Variants in NCEH1 observed in about 807,000 individuals in gnomAD.
NCEH1 encodes neutral cholesterol ester hydrolase 1, also known as 2-acetyl MAGE hydrolase.
A neutral mutation model predicts 25.4 loss-of-function variants in NCEH1; 9 were observed. The observed-to-expected ratio is 0.35, with a 90% CI of 0.21 to 0.62. NCEH1 has a LOEUF of 0.62. NCEH1 is among the 20% of genes least tolerant of loss of function. The probability of loss-of-function intolerance (pLI) is 0.72; values close to 1 mark genes in which losing one functional copy is unlikely to be tolerated. For missense variants in NCEH1, 412 were observed against 501.1 expected, an observed-to-expected ratio of 0.82 and a Z score of 1.70; for synonymous variants, 200 against 199.8, an observed-to-expected ratio of 1.00 and a Z score of -0.01.
At chr3:172,641,733 T>C (rs1321803301) in intron 3 of NCEH1, among the ~76,000 whole-genome samples, 2 of 152,142 alleles carry the variant, frequency 1.3e-5, no homozygotes, top group Admixed American at 6.5e-5. Flanking sequence ...TCACATTTCA[T>C]TCCCTCACTG....
intron 1 of NCEH1, among the ~76,000 whole-genome samples, chr3:172,707,129 G>A (rs968992078): frequency 6.6e-5 from 10 of 151,882 alleles, no homozygotes; most frequent in Non-Finnish European, 1.3e-4. Context: ...CTCCAGCAGT[G>A]TACACTTAGT....
At chr3:172,676,822 T>A (rs1577077334) in intron 1 of NCEH1, among the ~76,000 whole-genome samples, 1 of 152,084 alleles carries the variant, frequency 6.6e-6, no homozygotes, top group African/African-American at 2.4e-5. Flanking sequence ...TCCTTTGCCT[T>A]CCATACACAC....
At chr3:172,653,376 G>A (rs960908076) in intron 1 of NCEH1, among the ~76,000 whole-genome samples, 1 of 152,134 alleles carries the variant, frequency 6.6e-6, no homozygotes, top group Non-Finnish European at 1.5e-5. Context: ...ATATGGGGTT[G>A]GTCTCTGTTG....
intron 1 of NCEH1, among the ~76,000 whole-genome samples, chr3:172,693,256 C>T (rs1713166747): frequency 6.6e-6 from 1 of 152,090 alleles, no homozygotes; most frequent in African/African-American, 2.4e-5. Flanking sequence ...CCTCCATAAA[C>T]AGAAAGAAGA....
rs1298854457 is a variant in NCEH1, at chr3:172,653,754, T to TG, written c.139-5641_139-5640insC. 5.4e-5 allele frequency among the ~76,000 whole-genome samples: 3 copies of TG among 55,448 alleles called. 1 individual carries two copies. Among genetic ancestry groups the TG allele is most frequent in the African/African-American group, 2.1e-4 (3 of 13,980 alleles). 36.4% of individuals were successfully genotyped at this position (55,448 alleles called of 152,430 possible). A position where few individuals can be genotyped will look rare whatever the true frequency, so the allele number is the denominator to read the frequency against. On this transcript the variant is annotated intron_variant, in intron 1 of 4. Coordinates refer to ENST00000475381, the MANE Select transcript of NCEH1 (RefSeq NM_020792.6). ...TGTTCTGTTTTTTTTGTTTTTTTGTTTTTTTGTTTTTTTTTTTTTTTGAGA... is the reference window on the plus strand; with the variant it reads ...TGTTCTGTTTTTTTTGTTTTTTTGTTGTTTTTGTTTTTTTTTTTTTTTGAGA...
chr3:172,631,806 T>C lies in NCEH1; in HGVS notation c.*1669A>G, dbSNP rs1386763063. 1 of 152,658 alleles carries C rather than the reference T, an allele frequency of 6.6e-6. No homozygotes were observed. Among genetic ancestry groups the C allele is most frequent in the Admixed American group, 6.5e-5 (1 of 15,290 alleles). The allele number at this position is 152,658 out of a possible 1,614,324, so 9.5% of individuals were successfully genotyped here. On this transcript the variant is annotated 3_prime_UTR_variant, in exon 5 of 5. Transcript: ENST00000475381. ...TTCCCAGGAGTGAAATGGTTCTACT[T>C]TCTCTCCGTGGTGCCCTGTATCATT...
Position 172,633,516 on chromosome 3 carries a change from T to C in NCEH1, c.1186A>G (p.Thr396Ala). The C allele has an allele frequency of 6.2e-7, 1 of 1,614,102 alleles. No individual in the cohort carries two copies. The highest frequency in any genetic ancestry group is 2.2e-5 in the East Asian group (1 of 44,876). The change falls in exon 5 of 5, where the codon ACT (threonine) becomes GCT (alanine). Residue 396 changes from threonine (T) to alanine (A), a missense_variant. This residue lies in a region of NCEH1 where 210 missense variants were observed against 258.2 expected (regional missense o/e 0.81). Transcript: ENST00000475381. ...WPTNFSVGIR[T>A]RNSYIKWLDQ... is the part of the protein sequence containing the mutation. ...AGCCACTTGATGTAACTATTCCTAG[T>C]CCGGATTCCCACTGAGAAGTTGGTG...
intron 1 of NCEH1, among the ~76,000 whole-genome samples, chr3:172,691,140 CAT>C (rs1181421680): frequency 1.3e-5 from 2 of 152,174 alleles, no homozygotes; most frequent in Admixed American, 6.5e-5. Flanking sequence ...TTTCTCCAAA[CAT>C]AGAGCGGGCT....
chr3:172,711,060 C>G lies in NCEH1; in HGVS notation c.-76G>C, dbSNP rs769728723. Reference sequence around the variant, plus strand: ...CCACCCGGAGACCTCCGGCAACTTTCTGCCCGCGGCAGCTGCTCATTCACG... The same window carrying G: ...CCACCCGGAGACCTCCGGCAACTTTGTGCCCGCGGCAGCTGCTCATTCACG... On this transcript the variant is annotated 5_prime_UTR_variant, in exon 1 of 5. Transcript: ENST00000475381. 6 of 1,608,634 alleles carry G rather than the reference C, an allele frequency of 3.7e-6. No homozygotes were observed. The East Asian group carries it at 8.9e-5, about 24-fold the overall frequency.
Position 172,633,453 on chromosome 3 carries a change from G to C in NCEH1, c.*22C>G. 2 of 1,600,764 alleles carry C rather than the reference G, an allele frequency of 1.2e-6. No individual in the cohort carries two copies. The highest frequency in any genetic ancestry group is 1.7e-6 in the Non-Finnish European group (2 of 1,172,390). ...GTGTAGGAGGTCAAGAGGGGCTCGA[G>C]GCTTCTGGAAGTTTTGCTCCTTTAC... is the stretch of plus-strand genomic sequence containing the variant. On this transcript the variant is annotated 3_prime_UTR_variant, in exon 5 of 5. Transcript: ENST00000475381.
intron 3 of NCEH1, among the ~76,000 whole-genome samples, chr3:172,637,155 C>A (rs907480074): frequency 5.9e-5 from 9 of 152,138 alleles, no homozygotes; most frequent in African/African-American, 2.2e-4. Context: ...CATAACTGTG[C>A]TTCCAGTATC....
At chr3:172,706,927 G>A (rs1576788122) in intron 1 of NCEH1, among the ~76,000 whole-genome samples, 1 of 151,930 alleles carries the variant, frequency 6.6e-6, no homozygotes, top group South Asian at 2.1e-4. Flanking sequence ...TTTGTCTTAC[G>A]GTGCTGATGA....
chr3:172,706,136 G>T (rs536879326), intron 1 of NCEH1, among the ~76,000 whole-genome samples: 1 of 151,946 alleles, frequency 6.6e-6, no homozygotes, highest in African/African-American at 2.4e-5. Flanking sequence ...CTCCCAAAGT[G>T]CTGGGGTTAC....
In NCEH1 at chr3:172,653,735, G is replaced by GTTTTT. The variant is rs1553830302; in HGVS notation, c.139-5626_139-5622dup. On this transcript the variant is annotated intron_variant, in intron 1 of 4. Coordinates refer to ENST00000475381, the MANE Select transcript of NCEH1 (RefSeq NM_020792.6). ...TTGTTTTTGTTGTTGTTGTTGTTCT[G>GTTTTT]TTTTTTTTGTTTTTTTGTTTTTTTG... is the stretch of plus-strand genomic sequence containing the variant. 8.0e-4 allele frequency among the ~76,000 whole-genome samples: 57 copies of GTTTTT among 71,002 alleles called. 1 individual carries two copies. Among genetic ancestry groups the GTTTTT allele is most frequent in the African/African-American group, 2.6e-3 (52 of 19,702 alleles). 46.6% of individuals were successfully genotyped at this position (71,002 alleles called of 152,430 possible). A position where few individuals can be genotyped will look rare whatever the true frequency, so the allele number is the denominator to read the frequency against.
intron 1 of NCEH1, among the ~76,000 whole-genome samples, chr3:172,675,037 C>T (rs1236368835): frequency 6.6e-6 from 1 of 152,152 alleles, no homozygotes; most frequent in African/African-American, 2.4e-5. Context: ...TGGCCAGGTG[C>T]GATGGCTCAT....
chr3:172,694,129 A>C (rs1713226320), intron 1 of NCEH1, among the ~76,000 whole-genome samples: 2 of 152,166 alleles, frequency 1.3e-5, no homozygotes, highest in Non-Finnish European at 2.9e-5. Flanking sequence ...CCTGGGCTCA[A>C]GCAAACTTCC....
At chr3:172,638,484 C>T (rs234009) in intron 3 of NCEH1, among the ~76,000 whole-genome samples, 39,689 of 141,254 alleles carry the variant, frequency 0.28, 5,381 homozygotes, top group Admixed American at 0.32. Context: ...AGTAGAATTA[C>T]GCAGTTTTGT....
Position 172,633,282 on chromosome 3 carries a change from T to C in NCEH1, c.*193A>G. ...CACTCTGGGAACCAAATTTACATGT[T>C]TTGCACTTAAGTTAGTCAAATTCAT... On this transcript the variant is annotated 3_prime_UTR_variant, in exon 5 of 5. Transcript: ENST00000475381. 1.6e-6 allele frequency: 1 copy of C among 615,832 alleles called. No individual in the cohort carries two copies. The highest frequency in any genetic ancestry group is 2.8e-6 in the Non-Finnish European group (1 of 355,748). 38.1% of individuals were successfully genotyped at this position (615,832 alleles called of 1,614,324 possible).
At chr3:172,645,155 CAA>C (rs1717058263) in intron 3 of NCEH1, among the ~76,000 whole-genome samples, 1 of 151,926 alleles carries the variant, frequency 6.6e-6, no homozygotes, top group Non-Finnish European at 1.5e-5. Flanking sequence ...AGAGACAACC[CAA>C]AATATTAATA....
Sources: gnomAD v4.1 joint callset for allele counts (sites outside exome capture counted in the v4.1 genomes callset) on GRCh38, gnomAD v4.1.1 for gene constraint, gnomAD v4.1.1 regional missense constraint, MANE v1.5 for transcripts, NCBI Gene and HGNC (gene_info 2026-07-23, HGNC 2026-07-21) for gene names.